Variants in ONECUT3 observed in about 807,000 individuals in gnomAD.
ONECUT3 encodes the protein one cut homeobox 3.
ONECUT3 carries 11 observed loss-of-function variants against 16.8 expected under a neutral mutation model. The observed-to-expected ratio is 0.66, with a 90% confidence interval of 0.41 to 1.09. The LOEUF (loss-of-function observed/expected upper bound fraction) is 1.09, where lower values mean the gene tolerates loss of function less well. Ranked by LOEUF, ONECUT3 falls within the 50% of genes least tolerant of loss-of-function variation. The probability of loss-of-function intolerance (pLI) is 0.00; values close to 1 mark genes in which losing one functional copy is unlikely to be tolerated. For missense variants in ONECUT3, 637 were observed against 629.9 expected (o/e 1.01, Z -0.12); for synonymous variants, 344 against 310.7 (o/e 1.11, Z -1.13).
At chr19:1,760,551 C>T (rs2067941142) in intron 1 of ONECUT3, among the ~76,000 whole-genome samples, 2 of 152,020 alleles carry the variant, frequency 1.3e-5, no homozygotes, top group Admixed American at 1.3e-4. Context: ...GTGAGGCCTG[C>T]GCTGCGCTTC....
chr19:1,765,890 G>T (rs188595977), intron 1 of ONECUT3, among the ~76,000 whole-genome samples: 3 of 152,258 alleles, frequency 2.0e-5, no homozygotes, highest in Admixed American at 2.0e-4. Context: ...AACCCACACC[G>T]CAGGCTTCTG....
rs55658128 is a variant in ONECUT3, at chr19:1,758,300, C to CA, written c.1192+3462dup. 0.019 allele frequency among the ~76,000 whole-genome samples: 2,324 copies of CA among 121,324 alleles called. 66 individuals carry two copies. The highest frequency in any genetic ancestry group is 0.059 in the African/African-American group (1,794 of 30,648). 79.6% of individuals were successfully genotyped at this position (121,324 alleles called of 152,430 possible). ...GAGACGAAAAGAGAGGCAGAGAGAC[C>CA]AAAAAAAAAAAAAAAAGAGAGAGAG... On this transcript the variant is annotated intron_variant, in intron 1 of 1. Transcript: ENST00000382349. This position sits in a 1 kb window ranked among gnomAD's most constrained non-coding sequence, Gnocchi z 5.9.
intron 1 of ONECUT3, among the ~76,000 whole-genome samples, chr19:1,763,589 A>G (rs2145960910): frequency 6.6e-6 from 1 of 152,070 alleles, no homozygotes; most frequent in Non-Finnish European, 1.5e-5. Context: ...ATTTTACAAT[A>G]GTTAACGCAT....
rs894091487 is a variant in ONECUT3, at chr19:1,776,347, G to T, written c.*902G>T. On this transcript the variant is annotated 3_prime_UTR_variant, in exon 2 of 2. Transcript: ENST00000382349. This position sits in a 1 kb window ranked among gnomAD's most constrained non-coding sequence, Gnocchi z 4.9. ...CCAGGCTCCCAGGAGAAGGGGACCC[G>T]GCCGGAGAAGGCGCCGCTGGGGCCG... 2.0e-5 allele frequency: 3 copies of T among 152,288 alleles called. No homozygotes were observed. Among genetic ancestry groups the T allele is most frequent in the African/African-American group, 7.2e-5 (3 of 41,460 alleles). The allele number at this position is 152,288 out of a possible 1,614,324, so 9.4% of individuals were successfully genotyped here.
Position 1,775,173 on chromosome 19 carries a change from G to C in ONECUT3, c.1213G>C (p.Glu405Gln), listed in dbSNP as rs780410398. ...RLAACKRKEQ[E>Q]QQKERALQPK... ...CGCAGCCTGCAAGCGCAAGGAACAG[G>C]AGCAGCAGAAGGAGCGCGCCCTGCA... Residue 405 changes from glutamate (E) to glutamine (Q), a missense_variant, in exon 2 of 2, where the codon GAG becomes CAG. Around this residue, in one of 3 missense-constraint regions of ONECUT3, gnomAD observed 183 missense variants for 188.3 expected, o/e 0.97. Coordinates refer to ENST00000382349, the MANE Select transcript of ONECUT3 (RefSeq NM_001080488.2). 1 of 1,429,482 alleles carries C rather than the reference G, an allele frequency of 7.0e-7. No homozygotes were observed. The highest frequency in any genetic ancestry group is 9.3e-7 in the Non-Finnish European group (1 of 1,070,096). The allele number at this position is 1,429,482 out of a possible 1,614,324, so 88.5% of individuals were successfully genotyped here.
Position 1,775,583 on chromosome 19 carries a change from G to C in ONECUT3, c.*138G>C. The C allele has an allele frequency of 2.6e-6, 2 of 773,814 alleles. No homozygotes were observed. Among genetic ancestry groups the C allele is most frequent in the Non-Finnish European group, 1.9e-6 (1 of 523,784 alleles). 47.9% of individuals were successfully genotyped at this position (773,814 alleles called of 1,614,324 possible). ...GGTGCTATCCGGGCCCCCCACACCC[G>C]GGGAGGGGGAAGCAGCACACCCCCC... On this transcript the variant is annotated 3_prime_UTR_variant, in exon 2 of 2. Coordinates refer to ENST00000382349, the MANE Select transcript of ONECUT3 (RefSeq NM_001080488.2).
rs2067905882 is a variant in ONECUT3, at chr19:1,754,461, GGCGGCGGCACAGGCA to G, written c.807_821del (p.Thr270_Gly274del). 3.0e-6 allele frequency: 3 copies of G among 986,156 alleles called. No individual in the cohort carries two copies. Among genetic ancestry groups the G allele is most frequent in the Non-Finnish European group, 2.4e-6 (2 of 832,164 alleles). 61.1% of individuals were successfully genotyped at this position (986,156 alleles called of 1,614,324 possible). A position where few individuals can be genotyped will look rare whatever the true frequency, so the allele number is the denominator to read the frequency against. Reference sequence around the variant, plus strand: ...ACTGGCCCGCGGGCTGCCCGGAGGCGGCGGCGGCACAGGCAGCGGCGGAGCGGGCAGCGGGAGCGC... The same window carrying G: ...ACTGGCCCGCGGGCTGCCCGGAGGCGGCGGCGGAGCGGGCAGCGGGAGCGC... On this transcript the variant is annotated inframe_deletion, in exon 1 of 2. Coordinates refer to ENST00000382349, the MANE Select transcript of ONECUT3 (RefSeq NM_001080488.2). The surrounding 1 kb of genome is among the most constrained non-coding windows in gnomAD (Gnocchi z 7.4).
At position 1,755,571 on chromosome 19, in the gene ONECUT3, A is replaced by G. The variant is rs1431131406; in HGVS notation, c.1192+717A>G. Among the ~76,000 whole-genome samples, 3 of 150,866 alleles carry G rather than the reference A, an allele frequency of 2.0e-5. No individual in the cohort carries two copies. The highest frequency in any genetic ancestry group is 4.9e-5 in the African/African-American group (2 of 40,924). ...CCCCGACCCGGCGCCCGCCCCGCGCAGTTTGGTCGTGGCTCGGGTGCGCGC... is the reference window on the plus strand; with the variant it reads ...CCCCGACCCGGCGCCCGCCCCGCGCGGTTTGGTCGTGGCTCGGGTGCGCGC... On this transcript the variant is annotated intron_variant, in intron 1 of 1. Transcript: ENST00000382349. This position sits in a 1 kb window ranked among gnomAD's most constrained non-coding sequence, Gnocchi z 7.5.
rs2067965416 is a variant in ONECUT3, at chr19:1,764,270, T to C, written c.1192+9416T>C. On this transcript the variant is annotated intron_variant, in intron 1 of 1. Transcript: ENST00000382349. This position sits in a 1 kb window ranked among gnomAD's most constrained non-coding sequence, Gnocchi z 5.0. ...TGAGAGGTGCCCCCTGACACCCCCATGCCCCCACCCCATGGCGGCCCAGCC... is the reference window on the plus strand; with the variant it reads ...TGAGAGGTGCCCCCTGACACCCCCACGCCCCCACCCCATGGCGGCCCAGCC... 2.0e-5 allele frequency among the ~76,000 whole-genome samples: 3 copies of C among 151,298 alleles called. No homozygotes were observed. The highest frequency in any genetic ancestry group is 2.0e-4 in the Admixed American group (3 of 15,258).
chr19:1,769,838 C>T (rs1418901372), intron 1 of ONECUT3, among the ~76,000 whole-genome samples: 1 of 152,080 alleles, frequency 6.6e-6, no homozygotes, highest in Non-Finnish European at 1.5e-5. Context: ...TTGCTGCAAT[C>T]GACAAAACGG....
rs888869680 is a variant in ONECUT3 at position 1,754,947 on chromosome 19, G to T, written c.1192+93G>T. ...GCGGCGGCCGATGCCCGGGGCCAGC[G>T]CCCCAAGCCCCGCCCGTGCGCCCCG... On this transcript the variant is annotated intron_variant, in intron 1 of 1. Transcript: ENST00000382349. The surrounding 1 kb of genome is among the most constrained non-coding windows in gnomAD (Gnocchi z 7.4). 1 of 1,272,684 alleles carries T rather than the reference G, an allele frequency of 7.9e-7. No individual in the cohort carries two copies. The highest frequency in any genetic ancestry group is 9.9e-7 in the Non-Finnish European group (1 of 1,008,152). 78.8% of individuals were successfully genotyped at this position (1,272,684 alleles called of 1,614,324 possible). A position where few individuals can be genotyped will look rare whatever the true frequency, so the allele number is the denominator to read the frequency against.
At chr19:1,769,695 C>T (rs1300788259) in intron 1 of ONECUT3, among the ~76,000 whole-genome samples, 1 of 151,934 alleles carries the variant, frequency 6.6e-6, no homozygotes, top group Non-Finnish European at 1.5e-5. Context: ...CAACTCACAC[C>T]TCTGTCAGCG....
chr19:1,754,899 T>A lies in ONECUT3; in HGVS notation c.1192+45T>A. On this transcript the variant is annotated intron_variant, in intron 1 of 1. Coordinates refer to ENST00000382349, the MANE Select transcript of ONECUT3 (RefSeq NM_001080488.2). This position sits in a 1 kb window ranked among gnomAD's most constrained non-coding sequence, Gnocchi z 7.4. Reference sequence around the variant, plus strand: ...GGCCAGACCCTGGGGGCGCCGGCTCTGGACTCCCGAGCACCTAGCGGGGCG... The same window carrying A: ...GGCCAGACCCTGGGGGCGCCGGCTCAGGACTCCCGAGCACCTAGCGGGGCG... 7.5e-7 allele frequency: 1 copy of A among 1,341,488 alleles called. No individual in the cohort carries two copies. Among genetic ancestry groups the A allele is most frequent in the Non-Finnish European group, 9.6e-7 (1 of 1,038,442 alleles). 83.1% of individuals were successfully genotyped at this position (1,341,488 alleles called of 1,614,324 possible).
At position 1,755,018 on chromosome 19, in the gene ONECUT3, G is replaced by T. The variant is rs140055969; in HGVS notation, c.1192+164G>T. On this transcript the variant is annotated intron_variant, in intron 1 of 1. Transcript: ENST00000382349. The surrounding 1 kb of genome is among the most constrained non-coding windows in gnomAD (Gnocchi z 7.5). ...AGGAAGCTAGACCGCGATCCGCGCC[G>T]CTGCCCGTTTGTACCGTTGCCAAAA... is the stretch of plus-strand genomic sequence containing the variant. Among the ~76,000 whole-genome samples the T allele has an allele frequency of 6.6e-6, 1 of 151,992 alleles. No individual in the cohort carries two copies. The highest frequency in any genetic ancestry group is 1.5e-5 in the Non-Finnish European group (1 of 67,964).
At chr19:1,773,985 T>A (rs141818855) in intron 1 of ONECUT3, among the ~76,000 whole-genome samples, 40 of 152,292 alleles carry the variant, frequency 2.6e-4, no homozygotes, top group Non-Finnish European at 5.3e-4. Context: ...TGGGGCAGCC[T>A]CCTTCAGCCC....
rs1401081492 is a variant in ONECUT3 at position 1,754,196 on chromosome 19, C to T, written c.534C>T (p.Leu178=). ...FTLMRDERAA[L]ASVGHLYGPY... ...TCATGCGCGACGAGCGGGCGGCGCT[C>T]GCCTCCGTGGGCCACCTCTACGGAC... Residue 178 remains leucine (L), a synonymous_variant, in exon 1 of 2, where the codon CTC becomes CTT. Coordinates refer to ENST00000382349, the MANE Select transcript of ONECUT3 (RefSeq NM_001080488.2). The surrounding 1 kb of genome is among the most constrained non-coding windows in gnomAD (Gnocchi z 7.4). 5 of 1,162,426 alleles carry T rather than the reference C, an allele frequency of 4.3e-6. No homozygotes were observed. The highest frequency in any genetic ancestry group is 1.7e-5 in the African/African-American group (1 of 59,816). 72.0% of individuals were successfully genotyped at this position (1,162,426 alleles called of 1,614,324 possible). A position where few individuals can be genotyped will look rare whatever the true frequency, so the allele number is the denominator to read the frequency against.
intron 1 of ONECUT3, among the ~76,000 whole-genome samples, chr19:1,761,221 T>A (rs2067944832): frequency 6.6e-6 from 1 of 151,850 alleles, no homozygotes; most frequent in Non-Finnish European, 1.5e-5. Flanking sequence ...CCCAGCTAAT[T>A]TTTGTGTTTT....
Position 1,775,438 on chromosome 19 carries a change from A to C in ONECUT3, c.1478A>C (p.Lys493Thr), listed in dbSNP as rs768785995. 159 of 1,493,210 alleles carry C rather than the reference A, an allele frequency of 1.1e-4. 2 individuals carry two copies. The South Asian group carries it at 1.4e-3, about 13-fold the overall frequency. 92.5% of individuals were successfully genotyped at this position (1,493,210 alleles called of 1,614,324 possible). A position where few individuals can be genotyped will look rare whatever the true frequency, so the allele number is the denominator to read the frequency against. The part of the protein sequence containing the change: ...GPAGATATFS[K>T]A ...GCCGGCGCCACGGCCACTTTCTCCAAGGCCTGAGGCGCCCCGGCCCCGCGC... is the reference window on the plus strand; with the variant it reads ...GCCGGCGCCACGGCCACTTTCTCCACGGCCTGAGGCGCCCCGGCCCCGCGC... Residue 493 changes from lysine to threonine, a missense_variant, in exon 2 of 2, where the codon AAG becomes ACG. Around this residue, in one of 3 missense-constraint regions of ONECUT3, gnomAD observed 183 missense variants for 188.3 expected, o/e 0.97. Transcript: ENST00000382349.
intron 1 of ONECUT3, among the ~76,000 whole-genome samples, chr19:1,774,088 A>C (rs967996978): frequency 6.6e-6 from 1 of 151,996 alleles, no homozygotes; most frequent in Non-Finnish European, 1.5e-5. Flanking sequence ...CTCCTCCTCC[A>C]AAGTCTTCTT....
Sources: allele counts gnomAD v4.1 joint callset (sites outside exome capture counted in the v4.1 genomes callset), GRCh38; gene constraint gnomAD v4.1.1; regional missense constraint gnomAD v4.1.1; non-coding constraint Gnocchi (gnomAD v3.1); transcripts MANE v1.5; gene names NCBI Gene and HGNC (gene_info 2026-07-23, HGNC 2026-07-21).